ANKS1B: variants seen among roughly 807,000 people sequenced by gnomAD.
ANKS1B encodes ankyrin repeat and sterile alpha motif domain containing 1B.
ANKS1B carries 36 observed loss-of-function variants against 148.3 expected under a neutral mutation model. That is an observed-to-expected ratio of 0.24 (90% CI 0.19 to 0.32). ANKS1B has a LOEUF of 0.32. Ranked by LOEUF, ANKS1B falls within the 10% of genes least tolerant of loss-of-function variation. The pLI, the probability that ANKS1B is intolerant of heterozygous loss-of-function variation, is 1.00. For missense variants in ANKS1B, 1,157 were observed against 1,542.6 expected, an observed-to-expected ratio of 0.75 and a Z score of 4.19; for synonymous variants, 542 against 560.8, an observed-to-expected ratio of 0.97 and a Z score of 0.47.
intron 12 of ANKS1B, among the ~76,000 whole-genome samples, chr12:99,303,377 C>G (rs753922380): frequency 1.3e-5 from 2 of 152,030 alleles, no homozygotes; most frequent in Non-Finnish European, 2.9e-5. Flanking sequence ...ATTTGAGGCT[C>G]TAGTGACCAA....
chr12:99,641,844 G>A (rs1288081449), intron 9 of ANKS1B, among the ~76,000 whole-genome samples: 1 of 152,014 alleles, frequency 6.6e-6, no homozygotes, highest in Non-Finnish European at 1.5e-5. Context: ...GTTGCTAAAA[G>A]AAGCTATTCC....
chr12:99,557,417 C>T (rs923832454), intron 9 of ANKS1B, among the ~76,000 whole-genome samples: 1 of 152,088 alleles, frequency 6.6e-6, no homozygotes, highest in African/African-American at 2.4e-5. Context: ...AGTATTTGAG[C>T]TCTGAGAGTC....
At chr12:99,500,055 G>T (rs2096640710) in intron 10 of ANKS1B, among the ~76,000 whole-genome samples, 1 of 152,160 alleles carries the variant, frequency 6.6e-6, no homozygotes, top group South Asian at 2.1e-4. Flanking sequence ...TTAAAGGAAA[G>T]AAAACGTAAC....
chr12:99,437,885 C>T (rs2095487083), intron 11 of ANKS1B, among the ~76,000 whole-genome samples: 1 of 151,912 alleles, frequency 6.6e-6, no homozygotes, highest in African/African-American at 2.4e-5. Flanking sequence ...AGTCTACAAT[C>T]AGGGTATCTT....
intron 10 of ANKS1B, among the ~76,000 whole-genome samples, chr12:99,469,807 T>G (rs2096207393): frequency 6.6e-6 from 1 of 152,108 alleles, no homozygotes; most frequent in African/African-American, 2.4e-5. Context: ...CATTTTACTT[T>G]AATAGAAAAA....
At chr12:99,517,763 C>T (rs754084403) in intron 9 of ANKS1B, among the ~76,000 whole-genome samples, 6 of 152,036 alleles carry the variant, frequency 3.9e-5, no homozygotes, top group Admixed American at 1.3e-4. Context: ...TGCTGACTAA[C>T]GGTGGCAAAA....
At chr12:99,000,058 G>A (rs916808043) in intron 17 of ANKS1B, among the ~76,000 whole-genome samples, 14 of 152,110 alleles carry the variant, frequency 9.2e-5, no homozygotes, top group Non-Finnish European at 1.9e-4. Context: ...CCAGTAAAAT[G>A]CTAAGAAACG....
intron 1 of ANKS1B, among the ~76,000 whole-genome samples, chr12:99,843,784 G>C (rs979817399): frequency 6.6e-6 from 1 of 152,062 alleles, no homozygotes; most frequent in Non-Finnish European, 1.5e-5. Context: ...TAATAGGATT[G>C]CTGGGTTGAA....
chr12:99,962,319 T>C (rs2095424048), intron 1 of ANKS1B, among the ~76,000 whole-genome samples: 1 of 152,200 alleles, frequency 6.6e-6, no homozygotes, highest in East Asian at 1.9e-4. Context: ...TGTTCCCGTG[T>C]TAGTTTGCTG....
At chr12:98,922,454 A>C (rs556124920) in intron 17 of ANKS1B, among the ~76,000 whole-genome samples, 1 of 152,320 alleles carries the variant, frequency 6.6e-6, no homozygotes, top group South Asian at 2.1e-4. Flanking sequence ...TTGTGTAAGA[A>C]AAGGAATTAA....
chr12:98,945,006 T>C (rs914867447), intron 17 of ANKS1B, among the ~76,000 whole-genome samples: 6 of 152,232 alleles, frequency 3.9e-5, no homozygotes, highest in African/African-American at 1.4e-4. Flanking sequence ...GACAAGGCTC[T>C]CCTATCCCCC....
chr12:98,961,167 A>G (rs1332040998), intron 17 of ANKS1B, among the ~76,000 whole-genome samples: 1 of 152,192 alleles, frequency 6.6e-6, no homozygotes, highest in Non-Finnish European at 1.5e-5. Flanking sequence ...AAAAACACCA[A>G]GCAGATTTAA....
chr12:99,218,104 G>C (rs2084514442), intron 14 of ANKS1B, among the ~76,000 whole-genome samples: 1 of 152,104 alleles, frequency 6.6e-6, no homozygotes, highest in South Asian at 2.1e-4. Flanking sequence ...CCATACTCTA[G>C]AGGCCATATT....
chr12:99,801,011 G>T (rs1426168843), intron 4 of ANKS1B, among the ~76,000 whole-genome samples: 1 of 152,120 alleles, frequency 6.6e-6, no homozygotes, highest in Non-Finnish European at 1.5e-5. Flanking sequence ...GGACACGATA[G>T]ATTACATTAT....
chr12:99,450,237 C>A (rs891199500), intron 10 of ANKS1B, among the ~76,000 whole-genome samples: 1 of 152,114 alleles, frequency 6.6e-6, no homozygotes, highest in African/African-American at 2.4e-5. Context: ...CCTTTTTGTT[C>A]AATTCAGGTC....
At chr12:99,598,062 T>C (rs1037275575) in intron 9 of ANKS1B, among the ~76,000 whole-genome samples, 1 of 151,992 alleles carries the variant, frequency 6.6e-6, no homozygotes, top group Non-Finnish European at 1.5e-5. Flanking sequence ...TACCAAGAAG[T>C]AGAGAATTAC....
intron 1 of ANKS1B, among the ~76,000 whole-genome samples, chr12:99,864,231 T>C (rs2090441986): frequency 6.6e-6 from 1 of 152,170 alleles, no homozygotes; most frequent in East Asian, 1.9e-4. Context: ...CCCCAATTCA[T>C]TATATCCACT....
In ANKS1B at chr12:99,022,755, T is replaced by C. The variant is rs144963086; in HGVS notation, c.2778+30402A>G. Among the ~76,000 whole-genome samples, 12 of 152,214 alleles carry C rather than the reference T, an allele frequency of 7.9e-5. No homozygotes were observed. In the East Asian group the frequency reaches 2.3e-3, roughly 29 times the overall value. On this transcript the variant is annotated intron_variant, in intron 17 of 26. Coordinates refer to ENST00000683438, the MANE Select transcript of ANKS1B (RefSeq NM_001352186.2). The stretch of plus-strand genomic sequence containing the variant: ...AGGCTGGAGTGCAGTGGTGTAGTTA[T>C]AGTTCATTGCAGCCTCAAACTCCTG...
intron 12 of ANKS1B, among the ~76,000 whole-genome samples, chr12:99,366,590 C>T (rs1042476293): frequency 2.6e-5 from 4 of 152,014 alleles, no homozygotes; most frequent in Non-Finnish European, 4.4e-5. Flanking sequence ...CATCTCAAAT[C>T]GCTGGGAGGA....
Sources: allele counts gnomAD v4.1 joint callset (sites outside exome capture counted in the v4.1 genomes callset), GRCh38; gene constraint gnomAD v4.1.1; transcripts MANE v1.5; gene names NCBI Gene and HGNC (gene_info 2026-07-23, HGNC 2026-07-21).